The following RCHY1 variants were observed in gnomAD, a reference collection of about 807,000 sequenced individuals.
RCHY1 encodes the protein RING finger and CHY zinc finger domain-containing protein 1.
In RCHY1, 21 loss-of-function variants were observed where a neutral mutation model predicts 41.6. That is an observed-to-expected ratio of 0.51 (90% CI 0.36 to 0.73). The LOEUF (loss-of-function observed/expected upper bound fraction) is 0.73, where lower values mean the gene tolerates loss of function less well. Among genes scored for constraint, RCHY1 ranks in the 30% least tolerant of loss-of-function variants. The pLI, the probability that RCHY1 is intolerant of heterozygous loss-of-function variation, is 0.00. For missense variants in RCHY1, 265 were observed against 325.3 expected, an observed-to-expected ratio of 0.81 and a Z score of 1.43; for synonymous variants, 79 against 102.9, an observed-to-expected ratio of 0.77 and a Z score of 1.41.
In RCHY1 at chr4:75,490,757, G is replaced by T. The variant is rs142085367; in HGVS notation, c.537-56C>A. Reference sequence around the variant, plus strand: ...TATTAAACAAGAATATATTAATTCAGGTATACAAGAAGATGCAGGCTAACT... The same window carrying T: ...TATTAAACAAGAATATATTAATTCATGTATACAAGAAGATGCAGGCTAACT... On this transcript the variant is annotated intron_variant, in intron 7 of 8. Coordinates refer to ENST00000324439, the MANE Select transcript of RCHY1 (RefSeq NM_015436.4). The T allele has an allele frequency of 1.3e-5, 19 of 1,415,796 alleles. No individual in the cohort carries two copies. In the African/African-American group the frequency reaches 1.9e-4, roughly 14 times the overall value. 87.7% of individuals were successfully genotyped at this position (1,415,796 alleles called of 1,614,324 possible).
At chr4:75,511,871 C>G (rs997754954) in intron 1 of RCHY1, among the ~76,000 whole-genome samples, 1 of 151,954 alleles carries the variant, frequency 6.6e-6, no homozygotes, top group Non-Finnish European at 1.5e-5. Flanking sequence ...CTTGCAGAGC[C>G]CCTGAAAGGA....
In RCHY1 at chr4:75,480,333, C is replaced by T. The variant is rs1721422203; in HGVS notation, c.*2205G>A. The T allele has an allele frequency of 6.6e-6, 1 of 152,108 alleles. No individual in the cohort carries two copies. 9.4% of individuals were successfully genotyped at this position (152,108 alleles called of 1,614,324 possible). ...CTAAAAAAATGAAAGGTTAATCTAT[C>T]AAATCATGAGCGCTTCAATGATATG... On this transcript the variant is annotated 3_prime_UTR_variant, in exon 9 of 9. Coordinates refer to ENST00000324439, the MANE Select transcript of RCHY1 (RefSeq NM_015436.4).
rs1023428888 is a variant in RCHY1 at position 75,482,613 on chromosome 4, G to A, written c.711C>T (p.Gly237=). ...AGGATTCACAAATCTTACATTTCAT[G>A]CCTAATATATGAAACTGAACAGTGG... ...GRSTVQFHIL[G]MKCKICESYN... is the part of the protein sequence containing the mutation. Residue 237 remains glycine (G), a synonymous_variant, in exon 9 of 9, where the codon GGC becomes GGT. Coordinates refer to ENST00000324439, the MANE Select transcript of RCHY1 (RefSeq NM_015436.4). 4.3e-6 allele frequency: 7 copies of A among 1,610,646 alleles called. No homozygotes were observed. The East Asian group carries it at 6.7e-5, about 15-fold the overall frequency.
At chr4:75,488,077 G>A (rs1391777704) in intron 8 of RCHY1, among the ~76,000 whole-genome samples, 1 of 150,452 alleles carries the variant, frequency 6.6e-6, no homozygotes, top group East Asian at 1.9e-4. Flanking sequence ...ATGATTATTT[G>A]ATCTGTTAAA....
chr4:75,510,336 C>T (rs965890549), intron 1 of RCHY1, among the ~76,000 whole-genome samples: 16 of 152,198 alleles, frequency 1.1e-4, no homozygotes, highest in Middle Eastern at 3.2e-3. Context: ...AGAAATAAAA[C>T]CTTTACTCTT....
At chr4:75,514,049 T>C in intron 1 of RCHY1, 148 bp downstream of exon 1, 1 of 1,272,704 alleles carries the variant, frequency 7.9e-7, no homozygotes, top group Non-Finnish European at 1.1e-6. Flanking sequence ...AAAAACGTTC[T>C]CCTCAAGAAG....
chr4:75,497,300 A>T (rs1306784783), intron 3 of RCHY1, among the ~76,000 whole-genome samples: 1 of 152,176 alleles, frequency 6.6e-6, no homozygotes, highest in East Asian at 1.9e-4. Context: ...GTACATAGTT[A>T]ACTGTAACCT....
intron 3 of RCHY1, among the ~76,000 whole-genome samples, chr4:75,496,318 G>A (rs973359225): frequency 6.6e-6 from 1 of 152,048 alleles, no homozygotes; most frequent in Non-Finnish European, 1.5e-5. Flanking sequence ...GGCCAGGACA[G>A]GTTAGAAGAA....
intron 8 of RCHY1, among the ~76,000 whole-genome samples, chr4:75,486,708 G>A (rs2148711793): frequency 6.6e-6 from 1 of 152,244 alleles, no homozygotes; most frequent in East Asian, 1.9e-4. Flanking sequence ...GCAAAGGCAT[G>A]TATTTAAAAA....
At chr4:75,505,980 T>C (rs972316090) in intron 3 of RCHY1, among the ~76,000 whole-genome samples, 2 of 151,886 alleles carry the variant, frequency 1.3e-5, no homozygotes, top group Non-Finnish European at 1.5e-5. Flanking sequence ...AGTACTCCTA[T>C]GCTAGGGGGC....
intron 3 of RCHY1, among the ~76,000 whole-genome samples, chr4:75,503,440 T>C (rs1026027886): frequency 1.3e-5 from 2 of 152,238 alleles, no homozygotes; most frequent in Admixed American, 6.5e-5. Flanking sequence ...CTCACACCTG[T>C]AATTCCAGCA....
intron 1 of RCHY1, among the ~76,000 whole-genome samples, chr4:75,511,009 GAAC>G (rs1007685123): frequency 1.1e-4 from 17 of 152,174 alleles, no homozygotes; most frequent in African/African-American, 3.6e-4. Flanking sequence ...TATTACACTA[GAAC>G]AACAACTCTT....
chr4:75,510,837 T>G (rs1457100327), intron 1 of RCHY1, among the ~76,000 whole-genome samples: 2 of 152,198 alleles, frequency 1.3e-5, no homozygotes, highest in Non-Finnish European at 2.9e-5. Context: ...AAAATAACTA[T>G]ATTTTTCCCC....
At chr4:75,487,682 T>TATATATATTCATATATATTCATA (rs1722278505) in intron 8 of RCHY1, among the ~76,000 whole-genome samples, 5 of 36,630 alleles carry the variant, frequency 1.4e-4, no homozygotes, top group Non-Finnish European at 2.4e-4. Flanking sequence ...ATATTCATAA[T>TATATATATTCATATATATTCATA]ATATATATTC....
intron 3 of RCHY1, among the ~76,000 whole-genome samples, chr4:75,507,808 T>C (rs1436796424): frequency 1.3e-5 from 2 of 152,096 alleles, no homozygotes; most frequent in Admixed American, 1.3e-4. Context: ...CTGAAAGACA[T>C]GGCCTTAAAA....
In RCHY1 at chr4:75,496,528, AG is replaced by A. The variant is rs1050190405; in HGVS notation, c.327-2350del. ...CAGGGAAACAACCTTCTAAAGAATG[AG>A]AACAGTACTACTCACACATGGCTAG... is the stretch of plus-strand genomic sequence containing the variant. On this transcript the variant is annotated intron_variant, in intron 3 of 8. Transcript: ENST00000324439. Among the ~76,000 whole-genome samples, 9 of 152,150 alleles carry A rather than the reference AG, an allele frequency of 5.9e-5. 1 individual carries two copies. The highest frequency in any genetic ancestry group is 5.9e-4 in the Admixed American group (9 of 15,256).
intron 3 of RCHY1, among the ~76,000 whole-genome samples, chr4:75,498,059 A>G (rs959547971): frequency 1.3e-5 from 2 of 151,394 alleles, no homozygotes; most frequent in African/African-American, 4.8e-5. Context: ...AATACAAAAG[A>G]CCAATAAAAC....
chr4:75,500,030 AC>A (rs1246086681), intron 3 of RCHY1, among the ~76,000 whole-genome samples: 1 of 152,160 alleles, frequency 6.6e-6, no homozygotes, highest in Non-Finnish European at 1.5e-5. Context: ...AGTCCCAGCT[AC>A]CCAGGAGGCT....
intron 4 of RCHY1, among the ~76,000 whole-genome samples, chr4:75,492,937 C>G (rs183543861): frequency 6.6e-6 from 1 of 152,100 alleles, no homozygotes; most frequent in Non-Finnish European, 1.5e-5. Context: ...GTGCACCTCA[C>G]ACATACATTT....
Sources: allele counts gnomAD v4.1 joint callset (sites outside exome capture counted in the v4.1 genomes callset), GRCh38; gene constraint gnomAD v4.1.1; transcripts MANE v1.5; gene names NCBI Gene and HGNC (gene_info 2026-07-23, HGNC 2026-07-21).